Variants in CHMP7 observed in about 807,000 individuals in gnomAD.
CHMP7 encodes the protein CHMP family, member 7.
A neutral mutation model predicts 53.7 loss-of-function variants in CHMP7; 15 were observed. That is an observed-to-expected ratio of 0.28 (90% CI 0.19 to 0.43). CHMP7 has a LOEUF of 0.43. Ranked by LOEUF, CHMP7 falls within the 20% of genes least tolerant of loss-of-function variation. The probability of loss-of-function intolerance (pLI) is 1.00; values close to 1 mark genes in which losing one functional copy is unlikely to be tolerated. For synonymous variants in CHMP7, 261 were observed against 228.0 expected (o/e 1.14, Z -1.30); for missense variants, 527 against 569.4 (o/e 0.93, Z 0.76).
rs1044872583 is a variant in CHMP7, at chr8:23,246,392, G to A, written c.-304G>A. ...CGAACTCCAGAATCTTGAAGGAGAC[G>A]TAAGGTGCAGCCACCTGCCGCGCAG... On this transcript the variant is annotated 5_prime_UTR_variant, in exon 2 of 11. Transcript: ENST00000397677. 1 of 413,508 alleles carries A rather than the reference G, an allele frequency of 2.4e-6. No homozygotes were observed. Among genetic ancestry groups the A allele is most frequent in the Non-Finnish European group, 4.4e-6 (1 of 227,218 alleles). 25.6% of individuals were successfully genotyped at this position (413,508 alleles called of 1,614,324 possible).
intron 5 of CHMP7, among the ~76,000 whole-genome samples, chr8:23,257,001 C>T (rs1802160319): frequency 6.6e-6 from 1 of 151,842 alleles, no homozygotes; most frequent in African/African-American, 2.4e-5. Context: ...ACTGTGTTAG[C>T]CAGGATGGTC....
At position 23,256,568 on chromosome 8, in the gene CHMP7, G is replaced by A. The variant is rs1802133382; in HGVS notation, c.766G>A (p.Glu256Lys). 1 of 1,614,066 alleles carries A rather than the reference G, an allele frequency of 6.2e-7. No individual in the cohort carries two copies. Among genetic ancestry groups the A allele is most frequent in the Non-Finnish European group, 8.5e-7 (1 of 1,179,966 alleles). Residue 256 changes from glutamate to lysine, a missense_variant, in exon 5 of 11, where the codon GAG becomes AAG. Transcript: ENST00000397677. ...QSEQLLSRKV[E>K]SLSQEAERCK... ...TGAACAGCTTCTCTCACGCAAAGTG[G>A]AGTCCTTATCCCAGGAAGCAGAGAG...
At chr8:23,249,186 C>T (rs756832276) in intron 2 of CHMP7, 24 bp from the exon 3 acceptor site, 60 of 1,549,516 alleles carry the variant, frequency 3.9e-5, no homozygotes, top group Admixed American at 6.0e-5. Context: ...TGCTACTACA[C>T]GCCCTTCTTT....
chr8:23,251,468 T>C (rs1801927397), intron 3 of CHMP7, among the ~76,000 whole-genome samples: 1 of 152,190 alleles, frequency 6.6e-6, no homozygotes, highest in Non-Finnish European at 1.5e-5. Context: ...TTCCTGAAAA[T>C]CTTATTCACT....
Position 23,260,220 on chromosome 8 carries a change from T to G in CHMP7, c.1197T>G (p.Pro399=). The change falls in exon 10 of 11, where the codon CCT becomes CCG. Residue 399 remains proline, a synonymous_variant. Coordinates refer to ENST00000397677, the MANE Select transcript of CHMP7 (RefSeq NM_152272.5). ...CCACCAAAGAACCTTTGGATCTGCC[T>G]GACAACCCCCGCAATAGGCATTTTA... ...QDTTKEPLDL[P]DNPRNRHFTN... 6.2e-7 allele frequency: 1 copy of G among 1,614,210 alleles called. No individual in the cohort carries two copies. Among genetic ancestry groups the G allele is most frequent in the Non-Finnish European group, 8.5e-7 (1 of 1,180,022 alleles).
rs1242132752 is a variant in CHMP7, at chr8:23,260,228, C to T, written c.1205C>T (p.Pro402Leu). The part of the protein sequence containing the change: ...TKEPLDLPDN[P>L]RNRHFTNSVP... Reference sequence around the variant, plus strand: ...GAACCTTTGGATCTGCCTGACAACCCCCGCAATAGGCATTTTACCAACAGC... The same window carrying T: ...GAACCTTTGGATCTGCCTGACAACCTCCGCAATAGGCATTTTACCAACAGC... The change falls in exon 10 of 11, where the codon CCC (proline) becomes CTC (leucine). Residue 402 changes from proline to leucine, a missense_variant. Pro to Leu is a moderately conservative substitution (Grantham distance 98). Transcript: ENST00000397677. The T allele has an allele frequency of 2.5e-6, 4 of 1,614,024 alleles. No homozygotes were observed. The highest frequency in any genetic ancestry group is 1.6e-4 in the Middle Eastern group (1 of 6,084).
intron 8 of CHMP7, 23 bp from the exon 9 acceptor site, chr8:23,259,043 G>T: frequency 6.4e-7 from 1 of 1,557,912 alleles, no homozygotes; most frequent in African/African-American, 1.4e-5. Context: ...CCCAGCTCAA[G>T]GCTTTGCACT....
chr8:23,253,534 A>C (rs1585309952), intron 3 of CHMP7, among the ~76,000 whole-genome samples: 1 of 152,072 alleles, frequency 6.6e-6, no homozygotes, highest in East Asian at 1.9e-4. Flanking sequence ...TGATCCACCC[A>C]CCTCGGCCTC....
chr8:23,251,185 CAAAG>C (rs905970747), intron 3 of CHMP7, among the ~76,000 whole-genome samples: 3 of 152,224 alleles, frequency 2.0e-5, no homozygotes, highest in African/African-American at 4.8e-5. Flanking sequence ...TACTGGCAAA[CAAAG>C]AAAGCCTGCT....
chr8:23,245,816 G>A (rs1801665799), intron 1 of CHMP7, among the ~76,000 whole-genome samples: 1 of 152,124 alleles, frequency 6.6e-6, no homozygotes, highest in Non-Finnish European at 1.5e-5. Flanking sequence ...ACATATTCAA[G>A]TGGTCTGTTT....
chr8:23,246,732 G>C lies in CHMP7; in HGVS notation c.37G>C (p.Gly13Arg), dbSNP rs1477163149. 2.6e-6 allele frequency: 4 copies of C among 1,550,816 alleles called. No homozygotes were observed. The highest frequency in any genetic ancestry group is 3.5e-6 in the Non-Finnish European group (4 of 1,147,546). The change falls in exon 2 of 11, where the codon GGG becomes CGG. Residue 13 changes from glycine (G) to arginine (R), a missense_variant. Physicochemically the swap from Gly to Arg is moderately radical, Grantham distance 125. Coordinates refer to ENST00000397677, the MANE Select transcript of CHMP7 (RefSeq NM_152272.5). ...GGAGCGGGAGGCCGAGGCCCCAGCC[G>C]GGGGAGACCCGGCGGGCCTTCTGCC... ...SPEREAEAPA[G>R]GDPAGLLPPE...
intron 3 of CHMP7, among the ~76,000 whole-genome samples, chr8:23,253,603 T>A (rs1585310045): frequency 6.6e-6 from 1 of 152,342 alleles, no homozygotes; most frequent in East Asian, 1.9e-4. Context: ...TCAGACATCT[T>A]AAAACATCAT....
intron 5 of CHMP7, among the ~76,000 whole-genome samples, chr8:23,257,575 T>C (rs572699401): frequency 6.6e-6 from 1 of 152,376 alleles, no homozygotes; most frequent in Admixed American, 6.5e-5. Context: ...TGAGGGGCTC[T>C]TCCCCTGCCC....
chr8:23,259,161 C>CTTTTTTTTTTTTTTTTTTTTTT lies in CHMP7; in HGVS notation c.1120+35_1120+36insTTTTTTTTTTTTTTTTTTTTTT, dbSNP rs1491187498. Reference sequence around the variant, plus strand: ...CAAGGTGGTTATTTTTATTTTTATTCATTTTTTTTTTTTTTTTTTTTTTTT... The same window carrying CTTTTTTTTTTTTTTTTTTTTTT: ...CAAGGTGGTTATTTTTATTTTTATTCTTTTTTTTTTTTTTTTTTTTTTATTTTTTTTTTTTTTTTTTTTTTTT... On this transcript the variant is annotated intron_variant, in intron 9 of 10. Coordinates refer to ENST00000397677, the MANE Select transcript of CHMP7 (RefSeq NM_152272.5). 4.2e-6 allele frequency: 2 copies of CTTTTTTTTTTTTTTTTTTTTTT among 478,900 alleles called. 1 individual carries two copies. 29.7% of individuals were successfully genotyped at this position (478,900 alleles called of 1,614,324 possible).
chr8:23,254,095 C>T (rs1290634800), intron 3 of CHMP7, among the ~76,000 whole-genome samples: 1 of 152,088 alleles, frequency 6.6e-6, no homozygotes, highest in African/African-American at 2.4e-5. Context: ...CATTGACCCA[C>T]CCTTCTATGC....
chr8:23,249,598 A>G (rs1422250691), intron 3 of CHMP7, among the ~76,000 whole-genome samples: 2 of 152,174 alleles, frequency 1.3e-5, no homozygotes, highest in Non-Finnish European at 2.9e-5. Context: ...CGGAATTTTC[A>G]GTTAACAGTG....
intron 2 of CHMP7, among the ~76,000 whole-genome samples, chr8:23,248,796 A>T (rs373877629): frequency 3.3e-4 from 50 of 152,260 alleles, no homozygotes; most frequent in East Asian, 3.1e-3. Context: ...TTTCTTTCTT[A>T]TGTCTTGCAC....
intron 3 of CHMP7, among the ~76,000 whole-genome samples, chr8:23,249,609 G>A (rs552391100): frequency 2.0e-5 from 3 of 152,146 alleles, no homozygotes; most frequent in Non-Finnish European, 4.4e-5. Context: ...GTTAACAGTG[G>A]ATTATTTTCT....
intron 3 of CHMP7, 49 bp downstream of exon 3, chr8:23,249,430 C>T: frequency 2.1e-6 from 3 of 1,447,606 alleles, no homozygotes; most frequent in Non-Finnish European, 1.9e-6. Context: ...GTGATCACAG[C>T]ATCCTCCACG....
Sources: gnomAD v4.1 joint callset for allele counts (sites outside exome capture counted in the v4.1 genomes callset) on GRCh38, gnomAD v4.1.1 for gene constraint, MANE v1.5 for transcripts, NCBI Gene and HGNC (gene_info 2026-07-23, HGNC 2026-07-21) for gene names.